The following ALG11 variants were observed in gnomAD, a reference collection of about 807,000 sequenced individuals.
ALG11 encodes the protein ALG11 alpha-1,2-mannosyltransferase.
Under a neutral mutation model 38.8 loss-of-function variants are expected in ALG11, and 26 were observed. The ratio of observed to expected loss-of-function variants is 0.67; its 90% CI spans 0.49 to 0.93. The LOEUF is 0.93. Among genes scored for constraint, ALG11 ranks in the 40% least tolerant of loss-of-function variants. The probability of loss-of-function intolerance (pLI) is 0.00; values close to 1 mark genes in which losing one functional copy is unlikely to be tolerated. For synonymous variants in ALG11, 199 were observed against 211.6 expected, an observed-to-expected ratio of 0.94 and a Z score of 0.52; for missense variants, 535 against 578.8, an observed-to-expected ratio of 0.92 and a Z score of 0.78.
rs1363293988 is a variant in ALG11 at position 52,030,184 on chromosome 13, A to G, written c.*1594A>G. ...AGGAGGTGCTGTCCGAATTGAGGGC[A>G]CTATCTCAGAAATTGAAGGAAAAAC... is the stretch of plus-strand genomic sequence containing the variant. On this transcript the variant is annotated 3_prime_UTR_variant, in exon 4 of 4. Transcript: ENST00000521508. The G allele has an allele frequency of 2.5e-6, 4 of 1,614,236 alleles. No homozygotes were observed. Among genetic ancestry groups the G allele is most frequent in the Non-Finnish European group, 3.4e-6 (4 of 1,180,048 alleles).
At chr13:52,012,517 G>T in intron 1 of ALG11, 55 bp downstream of exon 1, 1 of 1,612,538 alleles carries the variant, frequency 6.2e-7, no homozygotes, top group South Asian at 1.1e-5. Context: ...AGGGGTACTT[G>T]CCCGTCCAGT....
At chr13:52,023,471 G>A (rs1954203431) in intron 2 of ALG11, 1 of 151,896 alleles carries the variant, frequency 6.6e-6, no homozygotes, top group Non-Finnish European at 1.5e-5. Flanking sequence ...GGTGGTGCAT[G>A]TCTGTAATTC....
At chr13:52,026,577 T>G (rs1289569473) in intron 3 of ALG11, among the ~76,000 whole-genome samples, 1 of 152,164 alleles carries the variant, frequency 6.6e-6, no homozygotes, top group Non-Finnish European at 1.5e-5. Flanking sequence ...TGCAGTAGTA[T>G]TGACCAGGAC....
rs1231108393 is a variant in ALG11 at position 52,012,409 on chromosome 13, T to C, written c.-10T>C. On this transcript the variant is annotated 5_prime_UTR_variant, in exon 1 of 4. Coordinates refer to ENST00000521508, the MANE Select transcript of ALG11 (RefSeq NM_001004127.3). ...GTGAAGCGTTTCCTGAGTTCGGGGG[T>C]CGGCGGAAGATGGCGGCCGGCGAAA... is the stretch of plus-strand genomic sequence containing the variant. 3 of 1,613,894 alleles carry C rather than the reference T, an allele frequency of 1.9e-6. No homozygotes were observed. The highest frequency in any genetic ancestry group is 2.5e-6 in the Non-Finnish European group (3 of 1,180,014).
Position 52,024,524 on chromosome 13 carries a change from T to C in ALG11, c.794T>C (p.Ile265Thr). Residue 265 changes from isoleucine to threonine, a missense_variant, in exon 3 of 4, where the codon ATT (isoleucine) becomes ACT (threonine). Transcript: ENST00000521508. ...MVNSSWTLNH[I>T]LSLWKVGNCT... The stretch of plus-strand genomic sequence containing the variant: ...AATTCTTCTTGGACACTAAACCATA[T>C]TCTCTCACTATGGAAAGTTGGGAAT... The C allele has an allele frequency of 6.2e-7, 1 of 1,614,244 alleles. No individual in the cohort carries two copies. The highest frequency in any genetic ancestry group is 8.5e-7 in the Non-Finnish European group (1 of 1,180,044).
In ALG11 at chr13:52,030,104, C is replaced by G. The variant is rs749825159; in HGVS notation, c.*1514C>G. 1 of 1,614,198 alleles carries G rather than the reference C, an allele frequency of 6.2e-7. No individual in the cohort carries two copies. The highest frequency in any genetic ancestry group is 1.1e-5 in the South Asian group (1 of 91,082). The stretch of plus-strand genomic sequence containing the variant: ...GCAATCCCTTAGAAAAAGATCTGAG[C>G]TCAACCAGGATGCTGAGCCAGCAAG... On this transcript the variant is annotated 3_prime_UTR_variant, in exon 4 of 4. Coordinates refer to ENST00000521508, the MANE Select transcript of ALG11 (RefSeq NM_001004127.3).
chr13:52,017,251 C>T (rs1954141622), intron 1 of ALG11: 1 of 152,224 alleles, frequency 6.6e-6, no homozygotes, highest in African/African-American at 2.4e-5. Flanking sequence ...TTTACAGGCT[C>T]ATAGGCAGAA....
intron 2 of ALG11, chr13:52,022,994 T>A (rs1349440957): frequency 3.3e-5 from 5 of 152,254 alleles, no homozygotes; most frequent in African/African-American, 1.2e-4. Flanking sequence ...AGAATAATTA[T>A]AAACAGAGGG....
chr13:52,021,892 T>C (rs1026185388), intron 2 of ALG11: 2 of 152,204 alleles, frequency 1.3e-5, no homozygotes, highest in African/African-American at 4.8e-5. Context: ...AGCTGTCTTC[T>C]CCTAGCATGA....
chr13:52,026,493 C>T (rs911939152), intron 3 of ALG11, among the ~76,000 whole-genome samples: 2 of 152,168 alleles, frequency 1.3e-5, no homozygotes, highest in African/African-American at 2.4e-5. Context: ...TAAGATGAGC[C>T]GGCCTACTGT....
At chr13:52,023,398 T>C (rs1954202793) in intron 2 of ALG11, 4 of 152,094 alleles carry the variant, frequency 2.6e-5, no homozygotes, top group South Asian at 4.1e-4. Flanking sequence ...GAAAACATCA[T>C]TTTTAGTATG....
intron 2 of ALG11, chr13:52,020,969 A>G (rs1954179109): frequency 6.6e-6 from 1 of 152,246 alleles, no homozygotes; most frequent in African/African-American, 2.4e-5. Flanking sequence ...GGGACCTGCT[A>G]TGTGTCAGGC....
Position 52,031,249 on chromosome 13 carries a change from G to A in ALG11, c.*2659G>A. On this transcript the variant is annotated 3_prime_UTR_variant, in exon 4 of 4. Transcript: ENST00000521508. The stretch of plus-strand genomic sequence containing the variant: ...CATTTTTTAAAAAAAGAAAATGGAT[G>A]ACCATTAATTGACTAGCATTTTAGA... 1 of 1,223,160 alleles carries A rather than the reference G, an allele frequency of 8.2e-7. No individual in the cohort carries two copies. The highest frequency in any genetic ancestry group is 1.1e-6 in the Non-Finnish European group (1 of 894,282). 75.8% of individuals were successfully genotyped at this position (1,223,160 alleles called of 1,614,324 possible). A position where few individuals can be genotyped will look rare whatever the true frequency, so the allele number is the denominator to read the frequency against.
At chr13:52,024,992 T>C in intron 3 of ALG11, 55 bp downstream of exon 3, 1 of 1,534,092 alleles carries the variant, frequency 6.5e-7, no homozygotes, top group South Asian at 1.1e-5. Flanking sequence ...CATTTTAAGT[T>C]CTTTTGATAA....
At chr13:52,017,441 G>C (rs1954143469) in intron 1 of ALG11, 1 of 152,458 alleles carries the variant, frequency 6.6e-6, no homozygotes, top group African/African-American at 2.4e-5. Flanking sequence ...CCAAATCTCA[G>C]TTTGAATTGT....
At position 52,028,857 on chromosome 13, in the gene ALG11, T is replaced by A. The variant is rs746660464; in HGVS notation, c.*267T>A. On this transcript the variant is annotated 3_prime_UTR_variant, in exon 4 of 4. Transcript: ENST00000521508. ...CTGGCTTTGAGCCACCAGGAAGAACTAGTGGATTTGCCAAAAAACTACCCC... is the reference window on the plus strand; with the variant it reads ...CTGGCTTTGAGCCACCAGGAAGAACAAGTGGATTTGCCAAAAAACTACCCC... The A allele has an allele frequency of 9.9e-6, 16 of 1,614,098 alleles. No individual in the cohort carries two copies. Among genetic ancestry groups the A allele is most frequent in the Non-Finnish European group, 1.4e-5 (16 of 1,180,040 alleles).
In ALG11 at chr13:52,028,494, C is replaced by T. The variant is rs1401169259; in HGVS notation, c.1383C>T (p.Leu461=). Residue 461 remains leucine (L), a synonymous_variant, in exon 4 of 4, where the codon CTC becomes CTT. Coordinates refer to ENST00000521508, the MANE Select transcript of ALG11 (RefSeq NM_001004127.3). ...HILSMSAEKR[L]QIRKSARASV... ...TTTCCATGTCTGCAGAAAAGAGACT[C>T]CAAATCAGAAAAAGTGCTCGTGCAT... is the stretch of plus-strand genomic sequence containing the variant. The T allele has an allele frequency of 2.5e-6, 4 of 1,614,106 alleles. No homozygotes were observed. Among genetic ancestry groups the T allele is most frequent in the African/African-American group, 2.7e-5 (2 of 75,018 alleles).
rs1490088788 is a variant in ALG11 at position 52,032,876 on chromosome 13, G to GAATC, written c.*4289_*4292dup. Reference sequence around the variant, plus strand: ...AGTGTCACAAAGCTGTTTCATGAAAGAATCAAGATTATAACCTGGATATTC... The same window carrying GAATC: ...AGTGTCACAAAGCTGTTTCATGAAAGAATCAATCAAGATTATAACCTGGATATTC... On this transcript the variant is annotated 3_prime_UTR_variant, in exon 4 of 4. Transcript: ENST00000521508. 6.0e-6 allele frequency: 1 copy of GAATC among 166,996 alleles called. No homozygotes were observed. The highest frequency in any genetic ancestry group is 1.5e-5 in the Non-Finnish European group (1 of 68,106). 10.3% of individuals were successfully genotyped at this position (166,996 alleles called of 1,614,324 possible). A position where few individuals can be genotyped will look rare whatever the true frequency, so the allele number is the denominator to read the frequency against.
At position 52,031,204 on chromosome 13, in the gene ALG11, C is replaced by T; in HGVS notation, c.*2614C>T. ...GGTGGATTCCAAAACTGGCTCAGCA[C>T]ATTGCATGTAGTTGAGCCACATTTT... On this transcript the variant is annotated 3_prime_UTR_variant, in exon 4 of 4. Transcript: ENST00000521508. 6.7e-7 allele frequency: 1 copy of T among 1,497,562 alleles called. No homozygotes were observed. Among genetic ancestry groups the T allele is most frequent in the Non-Finnish European group, 8.9e-7 (1 of 1,120,424 alleles). The allele number at this position is 1,497,562 out of a possible 1,614,324, so 92.8% of individuals were successfully genotyped here. A position where few individuals can be genotyped will look rare whatever the true frequency, so the allele number is the denominator to read the frequency against.
Sources: gnomAD v4.1 joint callset for allele counts (sites outside exome capture counted in the v4.1 genomes callset) on GRCh38, gnomAD v4.1.1 for gene constraint, MANE v1.5 for transcripts, NCBI Gene and HGNC (gene_info 2026-07-23, HGNC 2026-07-21) for gene names.